The following BLK variants were observed in gnomAD, a reference collection of about 807,000 sequenced individuals.
BLK encodes the protein BLK proto-oncogene, Src family tyrosine kinase.
BLK carries 64 observed loss-of-function variants against 61.8 expected under a neutral mutation model. The observed-to-expected ratio is 1.03, with a 90% CI of 0.85 to 1.27. The LOEUF (loss-of-function observed/expected upper bound fraction) is 1.27. Among genes scored for constraint, BLK ranks in the 50% most tolerant of loss-of-function variants. The pLI, the probability that BLK is intolerant of heterozygous loss-of-function variation, is 0.00. For synonymous variants in BLK, 351 were observed against 272.0 expected, an observed-to-expected ratio of 1.29 and a Z score of -2.86; for missense variants, 853 against 660.5, an observed-to-expected ratio of 1.29 and a Z score of -3.19.
In BLK at chr8:11,557,416, G is replaced by A. The variant is rs560990288; in HGVS notation, c.953-546G>A. Among the ~76,000 whole-genome samples the A allele has an allele frequency of 1.5e-4, 23 of 152,284 alleles. No individual in the cohort carries two copies. In the East Asian group the frequency reaches 1.7e-3, roughly 12 times the overall value. On this transcript the variant is annotated intron_variant, in intron 9 of 12. Transcript: ENST00000259089. ...AACTGTCACCAAGGGGCCCCCGGTCGGAGGCTGTGCTGGGGGTGCCTCTAG... is the reference window on the plus strand; with the variant it reads ...AACTGTCACCAAGGGGCCCCCGGTCAGAGGCTGTGCTGGGGGTGCCTCTAG...
chr8:11,543,132 C>A, intron 1 of BLK, 92 bp from the exon 2 acceptor site: 1 of 1,599,174 alleles, frequency 6.3e-7, no homozygotes, highest in Non-Finnish European at 8.5e-7. Flanking sequence ...CCTTTCTAAC[C>A]AGCCTCCCGG....
At chr8:11,507,053 C>T (rs1308617525) in intron 1 of BLK, among the ~76,000 whole-genome samples, 1 of 152,208 alleles carries the variant, frequency 6.6e-6, no homozygotes, top group African/African-American at 2.4e-5. Context: ...CTCAGAAAGG[C>T]AGGTAGCCTG....
chr8:11,508,268 C>T (rs904717080), intron 1 of BLK, among the ~76,000 whole-genome samples: 1 of 152,224 alleles, frequency 6.6e-6, no homozygotes, highest in African/African-American at 2.4e-5. Context: ...GGAAATCACC[C>T]GTGGCTTGCA....
intron 1 of BLK, among the ~76,000 whole-genome samples, chr8:11,518,601 C>T (rs191411505): frequency 4.6e-5 from 7 of 152,110 alleles, no homozygotes; most frequent in African/African-American, 9.7e-5. Context: ...CGATCTCCTG[C>T]GGTGGCCTCC....
intron 1 of BLK, among the ~76,000 whole-genome samples, chr8:11,520,301 A>G (rs1359905104): frequency 6.6e-6 from 1 of 151,790 alleles, no homozygotes; most frequent in African/African-American, 2.4e-5. Flanking sequence ...ACATGGTGAA[A>G]ACCTCCCTCT....
chr8:11,550,034 C>A, intron 5 of BLK, 125 bp from the exon 6 acceptor site: 2 of 860,280 alleles, frequency 2.3e-6, no homozygotes, highest in Non-Finnish European at 3.8e-6. Context: ...CAGCTCAGGG[C>A]CGACTGGGAC....
intron 1 of BLK, among the ~76,000 whole-genome samples, chr8:11,539,536 C>T (rs1015855240): frequency 1.6e-4 from 24 of 152,060 alleles, no homozygotes; most frequent in African/African-American, 5.8e-4. Context: ...GTTTTATTAA[C>T]CTGAGATAGT....
rs138972988 is a variant in BLK at position 11,548,043 on chromosome 8, G to C, written c.187G>C (p.Val63Leu). 2.5e-6 allele frequency: 4 copies of C among 1,614,014 alleles called. No individual in the cohort carries two copies. The Admixed American group carries it at 5.0e-5, about 20-fold the overall frequency. Residue 63 changes from valine to leucine, a missense_variant, in exon 4 of 13, where the codon GTG becomes CTG. Coordinates refer to ENST00000259089, the MANE Select transcript of BLK (RefSeq NM_001715.3). ...DEHLDEDKHFVVALYDYTAMN... is the reference protein window; with the variant it reads ...DEHLDEDKHFLVALYDYTAMN... ...CTTGTTCATTTTAGACAAGCATTTC[G>C]TGGTGGCTCTGTATGACTACACCGC...
chr8:11,534,886 G>A (rs1563101884), intron 1 of BLK, among the ~76,000 whole-genome samples: 2 of 152,164 alleles, frequency 1.3e-5, no homozygotes, highest in Non-Finnish European at 2.9e-5. Context: ...TATTGCACAA[G>A]GAGGCCAGAT....
intron 1 of BLK, among the ~76,000 whole-genome samples, chr8:11,524,477 G>A (rs1053050549): frequency 6.6e-6 from 1 of 152,174 alleles, no homozygotes; most frequent in African/African-American, 2.4e-5. Flanking sequence ...AGGATGAAAA[G>A]AATAATAACC....
chr8:11,541,267 C>G (rs1306824387), intron 1 of BLK, among the ~76,000 whole-genome samples: 1 of 151,950 alleles, frequency 6.6e-6, no homozygotes, highest in Non-Finnish European at 1.5e-5. Context: ...GACACTGTCT[C>G]AAAACAAAAT....
chr8:11,530,645 T>C (rs554767726), intron 1 of BLK, among the ~76,000 whole-genome samples: 2 of 147,540 alleles, frequency 1.4e-5, no homozygotes, highest in Admixed American at 1.4e-4. Flanking sequence ...TTTACAGGAG[T>C]ATATTTTGCT....
At chr8:11,540,911 A>G (rs1470734951) in intron 1 of BLK, among the ~76,000 whole-genome samples, 1 of 152,174 alleles carries the variant, frequency 6.6e-6, no homozygotes, top group Non-Finnish European at 1.5e-5. Context: ...AGCGCACCTT[A>G]ATGCTAATGC....
At chr8:11,535,087 A>G (rs1563102035) in intron 1 of BLK, among the ~76,000 whole-genome samples, 1 of 151,992 alleles carries the variant, frequency 6.6e-6, no homozygotes, top group Non-Finnish European at 1.5e-5. Context: ...TTGAGGTGGG[A>G]GGATCACTTG....
In BLK at chr8:11,556,263, C is replaced by T. The variant is rs1025561145; in HGVS notation, c.773-395C>T. On this transcript the variant is annotated intron_variant, in intron 8 of 12. Transcript: ENST00000259089. ...GGGCTTCAGAAGGAGGGAAGGAGAC[C>T]CCCATGCGTCATCCTCCTGCCCAGT... is the stretch of plus-strand genomic sequence containing the variant. 2.9e-5 allele frequency: 9 copies of T among 313,442 alleles called. No individual in the cohort carries two copies. In the Admixed American group the frequency reaches 2.9e-4, roughly 10 times the overall value. 19.4% of individuals were successfully genotyped at this position (313,442 alleles called of 1,614,324 possible).
chr8:11,527,149 T>A (rs1307213109), intron 1 of BLK, among the ~76,000 whole-genome samples: 1 of 150,468 alleles, frequency 6.6e-6, no homozygotes, highest in Non-Finnish European at 1.5e-5. Context: ...TAGACAGCAA[T>A]AAGCTTTTTC....
intron 4 of BLK, 27 bp from the exon 5 acceptor site, chr8:11,548,997 C>G (rs1414867708): frequency 1.9e-6 from 3 of 1,581,380 alleles, no homozygotes; most frequent in South Asian, 2.3e-5. Context: ...GCCATGATCT[C>G]ATCTCTGTTT....
chr8:11,548,993 A>G (rs1472634514), intron 4 of BLK, 31 bp from the exon 5 acceptor site: 4 of 1,574,354 alleles, frequency 2.5e-6, no homozygotes, highest in Non-Finnish European at 8.7e-7. Flanking sequence ...AGGGGCCATG[A>G]TCTCATCTCT....
chr8:11,522,478 T>G (rs1029217781), intron 1 of BLK, among the ~76,000 whole-genome samples: 2 of 152,144 alleles, frequency 1.3e-5, no homozygotes, highest in African/African-American at 4.8e-5. Flanking sequence ...TGAGGGAACA[T>G]AGCCCACTGC....
Sources: gnomAD v4.1 joint callset for allele counts (sites outside exome capture counted in the v4.1 genomes callset) on GRCh38, gnomAD v4.1.1 for gene constraint, MANE v1.5 for transcripts, NCBI Gene and HGNC (gene_info 2026-07-23, HGNC 2026-07-21) for gene names.